The following PTPN6 variants were observed in gnomAD, a reference collection of about 807,000 sequenced individuals.
PTPN6 encodes the protein protein tyrosine phosphatase non-receptor type 6, also known as tyrosine-protein phosphatase non-receptor type 6.
PTPN6 carries 18 observed loss-of-function variants against 81.5 expected under a neutral mutation model. That is an observed-to-expected ratio of 0.22 (90% CI 0.15 to 0.33). The LOEUF (loss-of-function observed/expected upper bound fraction) is 0.33, where lower values mean the gene tolerates loss of function less well. Ranked by LOEUF, PTPN6 falls within the 10% of genes least tolerant of loss-of-function variation. The pLI is 1.00. For missense variants in PTPN6, 500 were observed against 794.2 expected (o/e 0.63, Z 4.45); for synonymous variants, 301 against 310.9 (o/e 0.97, Z 0.33).
In PTPN6 at chr12:6,956,069, G is replaced by A; in HGVS notation, c.845-73G>A. 6.7e-7 allele frequency: 1 copy of A among 1,483,410 alleles called. No homozygotes were observed. The highest frequency in any genetic ancestry group is 9.4e-7 in the Non-Finnish European group (1 of 1,062,676). The allele number at this position is 1,483,410 out of a possible 1,614,324, so 91.9% of individuals were successfully genotyped here. Reference sequence around the variant, plus strand: ...GAGACCAGAATGGCCTGTTAGCTCAGGAGGGTCTGACCCAGGTGTGGTGAG... The same window carrying A: ...GAGACCAGAATGGCCTGTTAGCTCAAGAGGGTCTGACCCAGGTGTGGTGAG... On this transcript the variant is annotated intron_variant, in intron 7 of 15. Coordinates refer to ENST00000318974, the MANE Select transcript of PTPN6 (RefSeq NM_002831.6). This position sits in a 1 kb window ranked among gnomAD's most constrained non-coding sequence, Gnocchi z 4.1.
At position 6,955,609 on chromosome 12, in the gene PTPN6, G is replaced by A. The variant is rs782291295; in HGVS notation, c.748-51G>A. The A allele has an allele frequency of 8.2e-6, 13 of 1,588,088 alleles. No homozygotes were observed. Among genetic ancestry groups the A allele is most frequent in the Non-Finnish European group, 1.1e-5 (13 of 1,157,070 alleles). ...TGACCCACCCCACGTGAGCTCCCCC[G>A]ATGGATGCCCTCTTTGGGAGCTGAT... is the stretch of plus-strand genomic sequence containing the variant. On this transcript the variant is annotated intron_variant, in intron 6 of 15. Transcript: ENST00000318974. This position sits in a 1 kb window ranked among gnomAD's most constrained non-coding sequence, Gnocchi z 7.2.
intron 15 of PTPN6, 53 bp from the exon 16 acceptor site, chr12:6,961,073 C>A: frequency 7.0e-7 from 1 of 1,428,658 alleles, no homozygotes; most frequent in South Asian, 1.3e-5. Flanking sequence ...CCCTCTTGTT[C>A]CACCTCCAGG....
Position 6,956,435 on chromosome 12 carries a change from C to G in PTPN6, c.941C>G (p.Pro314Arg). The G allele has an allele frequency of 1.9e-6, 3 of 1,614,184 alleles. No individual in the cohort carries two copies. Among genetic ancestry groups the G allele is most frequent in the Non-Finnish European group, 2.5e-6 (3 of 1,180,038 alleles). ...ANYIKNQLLG[P>R]DENAKTYIAS... ...TGCGTCCAGAACCAGCTGCTAGGCC[C>G]TGATGAGAACGCTAAGACCTACATC... is the stretch of plus-strand genomic sequence containing the variant. The change falls in exon 9 of 16, where the codon CCT (proline) becomes CGT (arginine). Residue 314 changes from proline to arginine, a missense_variant. Pro to Arg is a moderately radical substitution (Grantham distance 103, BLOSUM62 -2). Coordinates refer to ENST00000318974, the MANE Select transcript of PTPN6 (RefSeq NM_002831.6). This position sits in a 1 kb window ranked among gnomAD's most constrained non-coding sequence, Gnocchi z 4.1.
In PTPN6 at chr12:6,954,954, G is replaced by A; in HGVS notation, c.476G>A (p.Gly159Asp). ...AGTGACCAGCCCAAGGCTGGCCCAG[G>A]CTCCCCGCTCAGGGTCACCCACATC... ...VLSDQPKAGP[G>D]SPLRVTHIKV... is the part of the protein sequence containing the mutation. Residue 159 changes from glycine (G) to aspartate (D), a missense_variant, in exon 4 of 16, where the codon GGC (glycine) becomes GAC (aspartate). By Grantham distance (94) the Gly-to-Asp change is moderately conservative. Around this residue, in one of 6 missense-constraint regions of PTPN6, gnomAD observed 22 missense variants for 16.1 expected, o/e 1.37. Transcript: ENST00000318974. This position sits in a 1 kb window ranked among gnomAD's most constrained non-coding sequence, Gnocchi z 5.4. 1 of 1,614,150 alleles carries A rather than the reference G, an allele frequency of 6.2e-7. No individual in the cohort carries two copies. Among genetic ancestry groups the A allele is most frequent in the Non-Finnish European group, 8.5e-7 (1 of 1,180,034 alleles).
Position 6,960,488 on chromosome 12 carries a change from C to A in PTPN6, c.1673+53C>A. Reference sequence around the variant, plus strand: ...GCATCCACCCCTTTGTCCTGCCCAGCCCGATCCTCACTTTCTGGAGAGGAC... The same window carrying A: ...GCATCCACCCCTTTGTCCTGCCCAGACCGATCCTCACTTTCTGGAGAGGAC... On this transcript the variant is annotated intron_variant, in intron 14 of 15. Coordinates refer to ENST00000318974, the MANE Select transcript of PTPN6 (RefSeq NM_002831.6). This position sits in a 1 kb window ranked among gnomAD's most constrained non-coding sequence, Gnocchi z 6.1. 1 of 1,572,768 alleles carries A rather than the reference C, an allele frequency of 6.4e-7. No homozygotes were observed. Among genetic ancestry groups the A allele is most frequent in the Non-Finnish European group, 8.7e-7 (1 of 1,146,922 alleles).
upstream of PTPN6, among the ~76,000 whole-genome samples, chr12:6,947,445 G>A (rs1311210332): frequency 1.3e-5 from 2 of 152,174 alleles, no homozygotes; most frequent in East Asian, 3.9e-4. Context: ...TGAGGCGAGA[G>A]GATTGCTTGA....
chr12:6,949,063 C>T (rs1205882947), upstream of PTPN6, among the ~76,000 whole-genome samples: 1 of 152,188 alleles, frequency 6.6e-6, no homozygotes, highest in Non-Finnish European at 1.5e-5. Flanking sequence ...ATGTCTGCCC[C>T]TGCCCCAGTG....
In PTPN6 at chr12:6,955,461, G is replaced by A. The variant is rs1946011295; in HGVS notation, c.723G>A (p.Lys241=). 6.2e-7 allele frequency: 1 copy of A among 1,614,038 alleles called. No individual in the cohort carries two copies. Among genetic ancestry groups the A allele is most frequent in the Non-Finnish European group, 8.5e-7 (1 of 1,180,040 alleles). The change falls in exon 6 of 16, where the codon AAG becomes AAA. Residue 241 remains lysine, a synonymous_variant. Transcript: ENST00000318974. This position sits in a 1 kb window ranked among gnomAD's most constrained non-coding sequence, Gnocchi z 7.2. The part of the protein sequence containing the change: ...NKKQESEDTA[K]AGFWEEFESL... Reference sequence around the variant, plus strand: ...AGCAGGAGTCCGAGGATACAGCCAAGGCTGGCTTCTGGGAGGAGTTTGAGG... The same window carrying A: ...AGCAGGAGTCCGAGGATACAGCCAAAGCTGGCTTCTGGGAGGAGTTTGAGG...
chr12:6,960,058 G>A lies in PTPN6; in HGVS notation c.1430-30G>A. 6.2e-7 allele frequency: 1 copy of A among 1,613,262 alleles called. No individual in the cohort carries two copies. Among genetic ancestry groups the A allele is most frequent in the Non-Finnish European group, 8.5e-7 (1 of 1,179,956 alleles). On this transcript the variant is annotated intron_variant, in intron 12 of 15. Coordinates refer to ENST00000318974, the MANE Select transcript of PTPN6 (RefSeq NM_002831.6). The surrounding 1 kb of genome is among the most constrained non-coding windows in gnomAD (Gnocchi z 6.1). ...AGCCCCTCGGTGTCCGCCTATGCCT[G>A]GACCTGAGGTTTGACTGCCCCCCAC...
In PTPN6 at chr12:6,960,261, G is replaced by GA. The variant is rs372562559; in HGVS notation, c.1581+22_1581+23insA. The GA allele has an allele frequency of 4.6e-3, 6,049 of 1,317,676 alleles. 141 individuals carry two copies. The African/African-American group carries it at 0.082, about 18-fold the overall frequency. 81.6% of individuals were successfully genotyped at this position (1,317,676 alleles called of 1,614,324 possible). ...GCAGGTGCGTGCAGAGCAGGGCCTG[G>GA]GGGGGGGGGGGGCTGCAGTGCAGGA... On this transcript the variant is annotated intron_variant, in intron 13 of 15. Coordinates refer to ENST00000318974, the MANE Select transcript of PTPN6 (RefSeq NM_002831.6). This position sits in a 1 kb window ranked among gnomAD's most constrained non-coding sequence, Gnocchi z 6.1.
Position 6,954,741 on chromosome 12 carries a change from T to G in PTPN6, c.327-64T>G. The G allele has an allele frequency of 6.6e-7, 1 of 1,523,986 alleles. No homozygotes were observed. The highest frequency in any genetic ancestry group is 9.0e-7 in the Non-Finnish European group (1 of 1,116,192). The allele number at this position is 1,523,986 out of a possible 1,614,324, so 94.4% of individuals were successfully genotyped here. ...TTGATTTCCGGCCCCTCTCTGTGAA[T>G]GTCTCTGCTCAGCGCCTTCCCCTGT... is the stretch of plus-strand genomic sequence containing the variant. On this transcript the variant is annotated intron_variant, in intron 3 of 15. Transcript: ENST00000318974. The surrounding 1 kb of genome is among the most constrained non-coding windows in gnomAD (Gnocchi z 5.4).
In PTPN6 at chr12:6,951,687, T is replaced by C; in HGVS notation, c.87T>C (p.Ala29=). The part of the protein sequence containing the change: ...KGRGVHGSFL[A]RPSRKNQGDF... ...GAGGTGTCCACGGTAGCTTCCTGGC[T>C]CGGCCCAGTCGCAAGAACCAGGGTG... The change falls in exon 2 of 16, where the codon GCT becomes GCC. Residue 29 remains alanine (A), a synonymous_variant. Coordinates refer to ENST00000318974, the MANE Select transcript of PTPN6 (RefSeq NM_002831.6). The surrounding 1 kb of genome is among the most constrained non-coding windows in gnomAD (Gnocchi z 7.2). The C allele has an allele frequency of 6.2e-7, 1 of 1,613,480 alleles. No individual in the cohort carries two copies. Among genetic ancestry groups the C allele is most frequent in the Non-Finnish European group, 8.5e-7 (1 of 1,179,948 alleles).
rs1946112212 is a variant in PTPN6, at chr12:6,960,268, G to GT, written c.1581+29_1581+30insT. 1 of 1,606,752 alleles carries GT rather than the reference G, an allele frequency of 6.2e-7. No individual in the cohort carries two copies. On this transcript the variant is annotated intron_variant, in intron 13 of 15. Coordinates refer to ENST00000318974, the MANE Select transcript of PTPN6 (RefSeq NM_002831.6). This position sits in a 1 kb window ranked among gnomAD's most constrained non-coding sequence, Gnocchi z 6.1. The stretch of plus-strand genomic sequence containing the variant: ...CGTGCAGAGCAGGGCCTGGGGGGGG[G>GT]GGGGGCTGCAGTGCAGGATGGGTGC...
At position 6,951,430 on chromosome 12, in the gene PTPN6, C is replaced by T; in HGVS notation, c.-83C>T. 2.5e-6 allele frequency: 4 copies of T among 1,587,770 alleles called. No individual in the cohort carries two copies. Among genetic ancestry groups the T allele is most frequent in the South Asian group, 1.1e-5 (1 of 88,042 alleles). On this transcript the variant is annotated 5_prime_UTR_variant, in exon 1 of 16. Coordinates refer to ENST00000318974, the MANE Select transcript of PTPN6 (RefSeq NM_002831.6). This position sits in a 1 kb window ranked among gnomAD's most constrained non-coding sequence, Gnocchi z 7.2. ...CCGGCACTGGGAGCTGCATCTGAGG[C>T]TTAGTCCCTGAGCTCTCTGCCTGCC...
At chr12:6,946,882 C>G (rs1410871230), upstream of PTPN6, 1 of 921,280 alleles carries the variant, frequency 1.1e-6, no homozygotes, top group African/African-American at 1.7e-5. Flanking sequence ...TATGAACTTC[C>G]CCTTCCCGCA....
upstream of PTPN6, among the ~76,000 whole-genome samples, chr12:6,949,137 G>A (rs782095289): frequency 2.0e-5 from 3 of 152,168 alleles, no homozygotes; most frequent in Non-Finnish European, 4.4e-5. Flanking sequence ...CCCTGATCCC[G>A]TCTGTGGTCA....
At position 6,955,840 on chromosome 12, in the gene PTPN6, A is replaced by T; in HGVS notation, c.844+84A>T. The T allele has an allele frequency of 1.7e-5, 22 of 1,273,252 alleles. No homozygotes were observed. The highest frequency in any genetic ancestry group is 2.4e-5 in the Non-Finnish European group (21 of 879,022). The allele number at this position is 1,273,252 out of a possible 1,614,324, so 78.9% of individuals were successfully genotyped here. On this transcript the variant is annotated intron_variant, in intron 7 of 15. Coordinates refer to ENST00000318974, the MANE Select transcript of PTPN6 (RefSeq NM_002831.6). This position sits in a 1 kb window ranked among gnomAD's most constrained non-coding sequence, Gnocchi z 7.2. ...CTCATCTCACAGGTCTCCACCCTCC[A>T]CGCCAGGAGGGGCCATCTCCCCACA...
rs1946116199 is a variant in PTPN6, at chr12:6,960,412, C to A, written c.1650C>A (p.Ala550=). ...CCCCAGCCATGAAGAATGCCCATGC[C>A]AAGGCCTCCCGCACCTCGTCCAAGT... ...TYPPAMKNAH[A]KASRTSSKHK... is the part of the protein sequence containing the mutation. Residue 550 remains alanine (A), a synonymous_variant, in exon 14 of 16, where the codon GCC becomes GCA. Transcript: ENST00000318974. The surrounding 1 kb of genome is among the most constrained non-coding windows in gnomAD (Gnocchi z 6.1). 1.2e-6 allele frequency: 2 copies of A among 1,613,760 alleles called. No homozygotes were observed. Among genetic ancestry groups the A allele is most frequent in the South Asian group, 2.2e-5 (2 of 91,082 alleles).
chr12:6,955,533 C>A lies in PTPN6; in HGVS notation c.747+48C>A. ...GCTGGGGCAGCTGAGGTGGTGGCAGCGGCCTGGGGCCCCAGGCGGACACCT... is the reference window on the plus strand; with the variant it reads ...GCTGGGGCAGCTGAGGTGGTGGCAGAGGCCTGGGGCCCCAGGCGGACACCT... On this transcript the variant is annotated intron_variant, in intron 6 of 15. Transcript: ENST00000318974. This position sits in a 1 kb window ranked among gnomAD's most constrained non-coding sequence, Gnocchi z 7.2. 1.9e-6 allele frequency: 3 copies of A among 1,594,356 alleles called. No individual in the cohort carries two copies. The highest frequency in any genetic ancestry group is 2.6e-6 in the Non-Finnish European group (3 of 1,163,112).
Sources: gnomAD v4.1 joint callset for allele counts (sites outside exome capture counted in the v4.1 genomes callset) on GRCh38, gnomAD v4.1.1 for gene constraint, gnomAD v4.1.1 regional missense constraint, Gnocchi (gnomAD v3.1) non-coding constraint, MANE v1.5 for transcripts, NCBI Gene and HGNC (gene_info 2026-07-23, HGNC 2026-07-21) for gene names.